Variants in STRA6 observed in about 807,000 individuals in gnomAD.
The protein encoded by STRA6 is signaling receptor and transporter of retinol STRA6, also known as receptor for retinol uptake STRA6.
Under a neutral mutation model 83.6 loss-of-function variants are expected in STRA6, and 48 were observed. That is an observed-to-expected ratio of 0.57 (90% CI 0.46 to 0.73). The LOEUF is 0.73. STRA6 is among the 30% of genes least tolerant of loss of function. The pLI, the probability that STRA6 is intolerant of heterozygous loss-of-function variation, is 0.00. For synonymous variants in STRA6, 353 were observed against 362.3 expected, an observed-to-expected ratio of 0.97 and a Z score of 0.29; for missense variants, 760 against 838.8, an observed-to-expected ratio of 0.91 and a Z score of 1.16.
intron 11 of STRA6, among the ~76,000 whole-genome samples, chr15:74,190,179 T>C (rs2073462400): frequency 6.6e-6 from 1 of 152,218 alleles, no homozygotes; most frequent in Non-Finnish European, 1.5e-5. Context: ...TATTTACCCA[T>C]CATCTATCTA....
chr15:74,189,192 G>A lies in STRA6; in HGVS notation c.1013C>T (p.Ala338Val), dbSNP rs2073406772. 1 of 1,613,812 alleles carries A rather than the reference G, an allele frequency of 6.2e-7. No homozygotes were observed. Among genetic ancestry groups the A allele is most frequent in the Non-Finnish European group, 8.5e-7 (1 of 1,179,942 alleles). ...CTCGGAGAGCACGATTCCAAAGCCG[G>A]CCAGCAGGTAGGAGACATCCGTGGT... ...GVTTDVSYLL[A>V]GFGIVLSEDK... is the part of the protein sequence containing the mutation. Residue 338 changes from alanine to valine, a missense_variant, in exon 12 of 19, where the codon GCC (alanine) becomes GTC (valine). Ala to Val is a moderately conservative substitution (Grantham distance 64, BLOSUM62 0). Transcript: ENST00000395105.
chr15:74,211,147 GCACACGCACA>G (rs918579163), upstream of STRA6, among the ~76,000 whole-genome samples: 4 of 41,894 alleles, frequency 9.5e-5, no homozygotes, highest in Non-Finnish European at 1.7e-4. Flanking sequence ...CACTACGCAC[GCACACGCACA>G]CACACACACA....
upstream of STRA6, chr15:74,209,397 G>A (rs994494829): frequency 1.8e-4 from 280 of 1,535,474 alleles, 4 homozygotes; most frequent in Admixed American, 5.5e-3. Flanking sequence ...GGGGGCCACT[G>A]CCTGATGAAT....
At chr15:74,186,692 A>G (rs1188744087) in intron 12 of STRA6, among the ~76,000 whole-genome samples, 1 of 152,046 alleles carries the variant, frequency 6.6e-6, no homozygotes, top group African/African-American at 2.4e-5. Context: ...AATTGCTTGA[A>G]CCCAGGAGGT....
At chr15:74,209,160 G>C (rs1391474272), upstream of STRA6, 1 of 1,304,462 alleles carries the variant, frequency 7.7e-7, no homozygotes, top group African/African-American at 1.5e-5. Context: ...CTCAGGCACA[G>C]AGCAGGGGCT....
chr15:74,198,552 G>T (rs772339303), intron 2 of STRA6, among the ~76,000 whole-genome samples: 1 of 152,180 alleles, frequency 6.6e-6, no homozygotes, highest in Non-Finnish European at 1.5e-5. Context: ...GCAGTCAAGG[G>T]TTTGGCCCTG....
upstream of STRA6, among the ~76,000 whole-genome samples, chr15:74,206,154 CAAG>C (rs1208747108): frequency 1.3e-5 from 2 of 152,226 alleles, no homozygotes; most frequent in African/African-American, 2.4e-5. Flanking sequence ...CCAGTTGTAA[CAAG>C]AAGGTCACAG....
At position 74,180,136 on chromosome 15, in the gene STRA6, T is replaced by G. The variant is rs748498124; in HGVS notation, c.1948A>C (p.Thr650Pro). The change falls in exon 19 of 19, where the codon ACC becomes CCC. Residue 650 changes from threonine (T) to proline (P), a missense_variant. Coordinates refer to ENST00000395105, the MANE Select transcript of STRA6 (RefSeq NM_022369.4). The part of the protein sequence containing the change: ...GLAYTLLHNP[T>P]LQVFRKTALL... The stretch of plus-strand genomic sequence containing the variant: ...GCCGTCTTGCGGAAGACCTGCAGGG[T>G]TGGGTTGTGCAGCAGCGTGTAGGCC... The G allele has an allele frequency of 6.2e-6, 10 of 1,613,664 alleles. No individual in the cohort carries two copies. Among genetic ancestry groups the G allele is most frequent in the Non-Finnish European group, 8.5e-6 (10 of 1,179,798 alleles).
At chr15:74,211,153 GCA>G (rs71137380), upstream of STRA6, among the ~76,000 whole-genome samples, 12,684 of 148,554 alleles carry the variant, frequency 0.085, 830 homozygotes, top group African/African-American at 0.19. Flanking sequence ...GCACGCACAC[GCA>G]CACACACACA....
At chr15:74,189,824 C>T (rs961225084) in intron 11 of STRA6, among the ~76,000 whole-genome samples, 7 of 152,028 alleles carry the variant, frequency 4.6e-5, no homozygotes, top group African/African-American at 1.4e-4. Context: ...CCACCACCGC[C>T]AGCTAATTTT....
At chr15:74,183,768 C>T (rs1263596029) in intron 14 of STRA6, 88 bp downstream of exon 14, 2 of 1,608,040 alleles carry the variant, frequency 1.2e-6, no homozygotes, top group African/African-American at 1.3e-5. Context: ...GAGGGCAGTA[C>T]TTGCTGAGCA....
At chr15:74,211,178 CA>C (rs1567205326), upstream of STRA6, among the ~76,000 whole-genome samples, 115 of 147,272 alleles carry the variant, frequency 7.8e-4, 1 homozygote, top group African/African-American at 2.7e-3. Flanking sequence ...CACACACACA[CA>C]CACCTCACTG....
chr15:74,190,115 C>T (rs1373014896), intron 11 of STRA6, among the ~76,000 whole-genome samples: 1 of 152,142 alleles, frequency 6.6e-6, no homozygotes, highest in Non-Finnish European at 1.5e-5. Flanking sequence ...GAGGGGTGTT[C>T]CTGGAACCAA....
At chr15:74,187,455 G>A (rs181983705) in intron 12 of STRA6, among the ~76,000 whole-genome samples, 1 of 152,100 alleles carries the variant, frequency 6.6e-6, no homozygotes, top group East Asian at 1.9e-4. Context: ...GGTCAGGAGA[G>A]GTAATGCACT....
At chr15:74,187,785 G>A (rs536413194) in intron 12 of STRA6, among the ~76,000 whole-genome samples, 1 of 152,296 alleles carries the variant, frequency 6.6e-6, no homozygotes, top group Admixed American at 6.5e-5. Context: ...TTTGAGCTTG[G>A]AAACTGCAAC....
At chr15:74,183,549 T>C (rs1449052802) in intron 14 of STRA6, 2 of 1,230,524 alleles carry the variant, frequency 1.6e-6, no homozygotes, top group Non-Finnish European at 2.1e-6. Flanking sequence ...CAGCCAGGAA[T>C]GTACCATTTT....
upstream of STRA6, chr15:74,203,110 C>A (rs969086492): frequency 1.3e-5 from 13 of 985,592 alleles, no homozygotes; most frequent in East Asian, 9.1e-4. Context: ...TGAGACGGAC[C>A]GCTGGGGCTG....
At position 74,184,744 on chromosome 15, in the gene STRA6, T is replaced by C. The variant is rs1012296061; in HGVS notation, c.1166+236A>G. Among the ~76,000 whole-genome samples the C allele has an allele frequency of 3.3e-5, 5 of 152,186 alleles. No individual in the cohort carries two copies. The East Asian group carries it at 9.6e-4, about 29-fold the overall frequency. On this transcript the variant is annotated intron_variant, in intron 13 of 18. Transcript: ENST00000395105. The stretch of plus-strand genomic sequence containing the variant: ...AGCTCCACTAGCTGCCCTGAGTTGG[T>C]GGTGCCCTATGTCCCTCACACTCAC...
chr15:74,190,127 C>T (rs897238050), intron 11 of STRA6, among the ~76,000 whole-genome samples: 4 of 152,134 alleles, frequency 2.6e-5, no homozygotes, highest in African/African-American at 7.2e-5. Flanking sequence ...TGGAACCAAC[C>T]CACCTCAGAT....
Sources: gnomAD v4.1 joint callset for allele counts (sites outside exome capture counted in the v4.1 genomes callset) on GRCh38, gnomAD v4.1.1 for gene constraint, MANE v1.5 for transcripts, NCBI Gene and HGNC (gene_info 2026-07-23, HGNC 2026-07-21) for gene names.